SNTG1: variants seen among roughly 807,000 people sequenced by gnomAD.
SNTG1 encodes gamma-1-syntrophin.
SNTG1 carries 39 observed loss-of-function variants against 74.7 expected under a neutral mutation model. The ratio of observed to expected loss-of-function variants is 0.52; its 90% CI spans 0.40 to 0.68. The LOEUF (loss-of-function observed/expected upper bound fraction) is 0.68. Among genes scored for constraint, SNTG1 ranks in the 30% least tolerant of loss-of-function variants. The pLI, the probability that SNTG1 is intolerant of heterozygous loss-of-function variation, is 0.00. For synonymous variants in SNTG1, 254 were observed against 217.1 expected, an observed-to-expected ratio of 1.17 and a Z score of -1.49; for missense variants, 685 against 609.5, an observed-to-expected ratio of 1.12 and a Z score of -1.30.
intron 1 of SNTG1, among the ~76,000 whole-genome samples, chr8:50,057,415 T>A (rs1563532369): frequency 6.6e-6 from 1 of 152,116 alleles, no homozygotes; most frequent in Non-Finnish European, 1.5e-5. Flanking sequence ...AGCTTTACAC[T>A]TTTTTGTTTT....
chr8:50,565,415 GA>G (rs2130719350), intron 12 of SNTG1, among the ~76,000 whole-genome samples: 1 of 152,088 alleles, frequency 6.6e-6, no homozygotes, highest in East Asian at 1.9e-4. Context: ...TAATAGGGGA[GA>G]CTAGCTGTGT....
intron 1 of SNTG1, among the ~76,000 whole-genome samples, chr8:49,969,804 G>A (rs1811492864): frequency 6.6e-6 from 1 of 152,084 alleles, no homozygotes; most frequent in Admixed American, 6.5e-5. Flanking sequence ...ACATCATGGT[G>A]TATGTTCCAA....
chr8:50,461,976 G>A (rs1186106447), intron 8 of SNTG1, among the ~76,000 whole-genome samples: 2 of 152,026 alleles, frequency 1.3e-5, no homozygotes, highest in African/African-American at 2.4e-5. Context: ...TACACATAGA[G>A]GCATACCTTG....
chr8:50,028,808 T>C (rs1444341031), intron 1 of SNTG1, among the ~76,000 whole-genome samples: 2 of 152,224 alleles, frequency 1.3e-5, no homozygotes, highest in Non-Finnish European at 2.9e-5. Context: ...TTTAATTGTT[T>C]AGCTCTTCCA....
chr8:50,497,129 A>T (rs1366774538), intron 8 of SNTG1, among the ~76,000 whole-genome samples: 2 of 152,056 alleles, frequency 1.3e-5, no homozygotes, highest in Admixed American at 6.6e-5. Flanking sequence ...TTATCTCTTT[A>T]GGGTGAGATT....
chr8:50,648,028 T>A (rs2095121412), intron 13 of SNTG1, among the ~76,000 whole-genome samples: 1 of 152,164 alleles, frequency 6.6e-6, no homozygotes, highest in Non-Finnish European at 1.5e-5. Context: ...CTGGCAATGA[T>A]GGAAAAGGAA....
intron 2 of SNTG1, among the ~76,000 whole-genome samples, chr8:50,364,115 G>A (rs1329235062): frequency 6.6e-6 from 1 of 152,020 alleles, no homozygotes; most frequent in African/African-American, 2.4e-5. Context: ...TCATATCATC[G>A]GCCATTGGTG....
At position 50,656,986 on chromosome 8, in the gene SNTG1, C is replaced by T. The variant is rs528679957; in HGVS notation, c.927C>T (p.Ala309=). 32 of 1,587,928 alleles carry T rather than the reference C, an allele frequency of 2.0e-5. No homozygotes were observed. The South Asian group carries it at 2.8e-4, about 14-fold the overall frequency. Residue 309 remains alanine (A), a synonymous_variant, in exon 14 of 19, where the codon GCC becomes GCT. Transcript: ENST00000642720. ...QDRVYSPTFL[A]LRGSCLYKFL... is the part of the protein sequence containing the mutation. The stretch of plus-strand genomic sequence containing the variant: ...GAGTGTACTCCCCGACCTTCCTGGC[C>T]CTGAGGGGCTCATGTCTCTACAAGT...
At chr8:49,985,658 T>C (rs189395097) in intron 1 of SNTG1, among the ~76,000 whole-genome samples, 2 of 152,270 alleles carry the variant, frequency 1.3e-5, no homozygotes, top group South Asian at 2.1e-4. Context: ...ATAAGGCGCA[T>C]AAACAATGGC....
chr8:50,323,107 G>GA (rs77989339), intron 2 of SNTG1, among the ~76,000 whole-genome samples: 415 of 66,052 alleles, frequency 6.3e-3, no homozygotes, highest in African/African-American at 0.012. Flanking sequence ...GACTTGTCTG[G>GA]AAAAAAAAAA....
At chr8:50,432,994 C>T (rs539467882) in intron 4 of SNTG1, among the ~76,000 whole-genome samples, 154 of 151,956 alleles carry the variant, frequency 1.0e-3, no homozygotes, top group Admixed American at 2.6e-3. Flanking sequence ...TTCACCATGT[C>T]GGCCAGGCTG....
Position 50,781,200 on chromosome 8 carries a change from T to A in SNTG1, c.1396-11471T>A, listed in dbSNP as rs553756048. 3.3e-5 allele frequency among the ~76,000 whole-genome samples: 5 copies of A among 152,284 alleles called. No homozygotes were observed. The South Asian group carries it at 1.0e-3, about 32-fold the overall frequency. On this transcript the variant is annotated intron_variant, in intron 18 of 18. Coordinates refer to ENST00000642720, the MANE Select transcript of SNTG1 (RefSeq NM_018967.5). ...ATTCTGTTGATTTGGGGTGGAGAGT[T>A]CTGTAGATGTCTATTAAGTCCACTT...
At chr8:50,424,037 A>G (rs975141412) in intron 4 of SNTG1, among the ~76,000 whole-genome samples, 2 of 152,184 alleles carry the variant, frequency 1.3e-5, no homozygotes, top group Admixed American at 1.3e-4. Flanking sequence ...ATCTCTTGTC[A>G]TAGACCAAAG....
intron 4 of SNTG1, among the ~76,000 whole-genome samples, chr8:50,406,195 T>C (rs2092874009): frequency 6.6e-6 from 1 of 152,128 alleles, no homozygotes; most frequent in Non-Finnish European, 1.5e-5. Context: ...TCTTTCCATT[T>C]ATTTATGGGT....
At chr8:50,584,221 C>T (rs190444401) in intron 12 of SNTG1, among the ~76,000 whole-genome samples, 16 of 151,022 alleles carry the variant, frequency 1.1e-4, no homozygotes, top group South Asian at 8.4e-4. Context: ...TAAATAGGGC[C>T]GCAATAAATG....
chr8:50,361,620 C>T (rs2131073833), intron 2 of SNTG1, among the ~76,000 whole-genome samples: 1 of 152,238 alleles, frequency 6.6e-6, no homozygotes, highest in East Asian at 1.9e-4. Flanking sequence ...TAAGGAGCAT[C>T]TTGAGGTCTG....
At chr8:50,072,602 G>C (rs1006153325) in intron 1 of SNTG1, among the ~76,000 whole-genome samples, 9 of 152,120 alleles carry the variant, frequency 5.9e-5, no homozygotes, top group Non-Finnish European at 1.5e-5. Context: ...TGTTAATAAA[G>C]TTAATTCAGT....
intron 1 of SNTG1, among the ~76,000 whole-genome samples, chr8:49,969,387 CTTTTTTTTTT>C (rs575026898): frequency 1.7e-4 from 8 of 47,152 alleles, no homozygotes; most frequent in African/African-American, 3.9e-4. Context: ...TTCATTTAAT[CTTTTTTTTTT>C]TTTTTTTTTT....
At chr8:50,086,485 C>A (rs78038800) in intron 1 of SNTG1, among the ~76,000 whole-genome samples, 1 of 152,240 alleles carries the variant, frequency 6.6e-6, no homozygotes, top group African/African-American at 2.4e-5. Context: ...TGTTGCCCTG[C>A]ATGATGAGGG....
Sources: allele counts gnomAD v4.1 joint callset (sites outside exome capture counted in the v4.1 genomes callset), GRCh38; gene constraint gnomAD v4.1.1; transcripts MANE v1.5; gene names NCBI Gene and HGNC (gene_info 2026-07-23, HGNC 2026-07-21).